Variants in DEPDC5 observed in about 807,000 individuals in gnomAD.
The protein encoded by DEPDC5 is DEP domain containing 5, GATOR1 subcomplex subunit.
A neutral mutation model predicts 217.3 loss-of-function variants in DEPDC5; 73 were observed. The ratio of observed to expected loss-of-function variants is 0.34; its 90% CI spans 0.28 to 0.41. The LOEUF (loss-of-function observed/expected upper bound fraction) is 0.41. Among genes scored for constraint, DEPDC5 ranks in the 10% least tolerant of loss-of-function variants. DEPDC5 has a pLI of 1.00. For missense variants in DEPDC5, 1,675 were observed against 2,070.1 expected, an observed-to-expected ratio of 0.81 and a Z score of 3.70; for synonymous variants, 733 against 756.7, an observed-to-expected ratio of 0.97 and a Z score of 0.51.
chr22:31,759,909 C>G (rs1303473057), intron 3 of DEPDC5, among the ~76,000 whole-genome samples: 1 of 151,890 alleles, frequency 6.6e-6, no homozygotes, highest in African/African-American at 2.4e-5. Context: ...TCTCGAACTC[C>G]TGACCTCAGG....
chr22:31,837,379 C>A, intron 26 of DEPDC5: 1 of 571,206 alleles, frequency 1.8e-6, no homozygotes, highest in South Asian at 2.5e-5. Flanking sequence ...GAGAGAGGGT[C>A]TCACTCTGTC....
At chr22:31,780,105 T>C (rs1214636917) in intron 8 of DEPDC5, among the ~76,000 whole-genome samples, 1 of 150,118 alleles carries the variant, frequency 6.7e-6, no homozygotes, top group African/African-American at 2.4e-5. Flanking sequence ...CCCTTCTGGC[T>C]CTGGTATAGA....
At chr22:31,805,108 G>A in intron 17 of DEPDC5, 193 bp downstream of exon 17, 1 of 457,080 alleles carries the variant, frequency 2.2e-6, no homozygotes. Context: ...AGTCTATGGT[G>A]AAAAAGAATA....
chr22:31,830,662 T>TA (rs1220150754), intron 24 of DEPDC5, among the ~76,000 whole-genome samples: 2 of 151,312 alleles, frequency 1.3e-5, no homozygotes, highest in Middle Eastern at 3.2e-3. Context: ...TGTGTGTGTG[T>TA]GTGTGTGTAG....
rs2148328295 is a variant in DEPDC5, at chr22:31,778,095, T to C, written c.414-4T>C. On this transcript the variant is annotated splice_polypyrimidine_tract_variant and splice_region_variant and intron_variant, in intron 7 of 42. Transcript: ENST00000651528. ...TGTAATAACTTGTGTGTGTATTCTT[T>C]CAGAGCACAGGCTGGTGAACTGTGG... 1.9e-6 allele frequency: 3 copies of C among 1,614,140 alleles called. No homozygotes were observed. The highest frequency in any genetic ancestry group is 1.7e-4 in the Middle Eastern group (1 of 6,060).
At chr22:31,797,385 G>C (rs1431724871) in intron 12 of DEPDC5, among the ~76,000 whole-genome samples, 1 of 152,092 alleles carries the variant, frequency 6.6e-6, no homozygotes. Flanking sequence ...GCGAGCTCAG[G>C]GGAAACTGCC....
chr22:31,845,583 G>A (rs942192260), intron 30 of DEPDC5, among the ~76,000 whole-genome samples: 9 of 152,170 alleles, frequency 5.9e-5, no homozygotes, highest in Non-Finnish European at 1.3e-4. Context: ...AACAGCAGCA[G>A]TCCTTCCTCA....
Position 31,820,578 on chromosome 22 carries a change from T to C in DEPDC5, c.1871-924T>C, listed in dbSNP as rs191113333. Among the ~76,000 whole-genome samples the C allele has an allele frequency of 3.7e-3, 570 of 152,262 alleles. 3 individuals are homozygous for C. Among genetic ancestry groups the C allele is most frequent in the African/African-American group, 0.013 (532 of 41,542 alleles). On this transcript the variant is annotated intron_variant, in intron 22 of 42. Transcript: ENST00000651528. ...ATGCCTAAACCCCGTTCTGCCCCCTTATCTCTGCTATAATCAGTCACACTA... is the reference window on the plus strand; with the variant it reads ...ATGCCTAAACCCCGTTCTGCCCCCTCATCTCTGCTATAATCAGTCACACTA...
At chr22:31,765,475 G>A (rs951245199) in intron 5 of DEPDC5, among the ~76,000 whole-genome samples, 1 of 152,012 alleles carries the variant, frequency 6.6e-6, no homozygotes, top group Non-Finnish European at 1.5e-5. Flanking sequence ...TTTTTGTAGA[G>A]ACAGGGTTTC....
intron 33 of DEPDC5, among the ~76,000 whole-genome samples, chr22:31,863,373 G>A (rs978472858): frequency 1.3e-5 from 2 of 151,982 alleles, no homozygotes; most frequent in Non-Finnish European, 2.9e-5. Flanking sequence ...CGCCATGTTG[G>A]CCAGGCTGGT....
At chr22:31,841,202 C>T (rs1170393108) in intron 27 of DEPDC5, among the ~76,000 whole-genome samples, 1 of 152,212 alleles carries the variant, frequency 6.6e-6, no homozygotes, top group Admixed American at 6.5e-5. Flanking sequence ...ACCTGGGGTC[C>T]CCTGAGTAGC....
chr22:31,801,140 T>TA (rs1303479641), intron 14 of DEPDC5, among the ~76,000 whole-genome samples: 1 of 151,426 alleles, frequency 6.6e-6, no homozygotes, highest in African/African-American at 2.4e-5. Context: ...TAAAAATACA[T>TA]AAAAAACTTG....
intron 25 of DEPDC5, among the ~76,000 whole-genome samples, chr22:31,835,318 C>G (rs1355259902): frequency 6.6e-6 from 1 of 152,174 alleles, no homozygotes; most frequent in Non-Finnish European, 1.5e-5. Flanking sequence ...TACCTTTGCT[C>G]ATCATTGTTA....
chr22:31,864,528 ATATATT>A (rs1442871081), intron 33 of DEPDC5, among the ~76,000 whole-genome samples: 7 of 132,826 alleles, frequency 5.3e-5, no homozygotes, highest in African/African-American at 1.9e-4. Context: ...ATATATATTT[ATATATT>A]TATTTATTTA....
At chr22:31,792,153 A>G (rs755329501) in intron 11 of DEPDC5, 51 bp downstream of exon 11, 1 of 1,314,124 alleles carries the variant, frequency 7.6e-7, no homozygotes, top group South Asian at 1.2e-5. Context: ...GCTTCCCCCA[A>G]CCCCACCCCA....
intron 10 of DEPDC5, 82 bp from the exon 11 acceptor site, chr22:31,791,951 A>C: frequency 1.9e-6 from 1 of 533,962 alleles, no homozygotes; most frequent in Non-Finnish European, 2.9e-6. Context: ...AAAAAAAAAA[A>C]GAATATTATA....
rs528580705 is a variant in DEPDC5 at position 31,889,730 on chromosome 22, G to A, written c.4034-3852G>A. ...TAATTTTTGTATTTTTAGTAGAGAC[G>A]GGTTTCACCTTGTTAGCCAGGATGG... On this transcript the variant is annotated intron_variant, in intron 38 of 42. Transcript: ENST00000651528. Among the ~76,000 whole-genome samples, 10 of 151,736 alleles carry A rather than the reference G, an allele frequency of 6.6e-5. No homozygotes were observed. The East Asian group carries it at 1.4e-3, about 21-fold the overall frequency.
intron 8 of DEPDC5, among the ~76,000 whole-genome samples, chr22:31,779,241 A>C (rs1015396975): frequency 1.3e-5 from 2 of 152,086 alleles, no homozygotes; most frequent in Non-Finnish European, 2.9e-5. Context: ...CATTTTTGTA[A>C]TTTCCTATTG....
At chr22:31,804,072 A>G in intron 15 of DEPDC5, 90 bp from the exon 16 acceptor site, 7 of 1,257,796 alleles carry the variant, frequency 5.6e-6, no homozygotes, top group Non-Finnish European at 6.9e-6. Flanking sequence ...AGCTTTGCCT[A>G]CTACCCATTT....
Sources: allele counts gnomAD v4.1 joint callset (sites outside exome capture counted in the v4.1 genomes callset), GRCh38; gene constraint gnomAD v4.1.1; transcripts MANE v1.5; gene names NCBI Gene and HGNC (gene_info 2026-07-23, HGNC 2026-07-21).